Variants in CHD9 observed in about 807,000 individuals in gnomAD.
CHD9 encodes ATP-dependent chromatin remodeler CHD9.
A neutral mutation model predicts 316.1 loss-of-function variants in CHD9; 77 were observed. The ratio of observed to expected loss-of-function variants is 0.24; its 90% CI spans 0.20 to 0.29. The LOEUF is 0.29. Ranked by LOEUF, CHD9 falls within the 10% of genes least tolerant of loss-of-function variation. The probability of loss-of-function intolerance (pLI) is 1.00; values close to 1 mark genes in which losing one functional copy is unlikely to be tolerated. For synonymous variants in CHD9, 1,129 were observed against 1,158.3 expected (o/e 0.97, Z 0.51); for missense variants, 2,763 against 3,438.1 (o/e 0.80, Z 4.91).
At chr16:53,227,881 C>T (rs1314282013) in intron 7 of CHD9, among the ~76,000 whole-genome samples, 5 of 151,772 alleles carry the variant, frequency 3.3e-5, no homozygotes, top group Admixed American at 6.6e-5. Context: ...GTGAAGAGAT[C>T]GAGACCATCC....
chr16:53,158,536 C>A (rs1197348801), intron 2 of CHD9, among the ~76,000 whole-genome samples: 1 of 152,144 alleles, frequency 6.6e-6, no homozygotes, highest in Non-Finnish European at 1.5e-5. Context: ...TTTTCCTCAT[C>A]TTTAAAATGT....
At chr16:53,256,305 A>G (rs908082975) in intron 19 of CHD9, among the ~76,000 whole-genome samples, 5 of 151,324 alleles carry the variant, frequency 3.3e-5, no homozygotes, top group Admixed American at 6.6e-5. Flanking sequence ...GGAAGGAAAC[A>G]TTAATAACTC....
intron 1 of CHD9, among the ~76,000 whole-genome samples, chr16:53,127,623 G>A (rs1427220959): frequency 6.6e-6 from 1 of 151,968 alleles, no homozygotes; most frequent in African/African-American, 2.4e-5. Flanking sequence ...ATGGGGGCGG[G>A]GGGGAATCCC....
At chr16:53,234,130 T>C (rs1206147217) in intron 10 of CHD9, among the ~76,000 whole-genome samples, 1 of 152,202 alleles carries the variant, frequency 6.6e-6, no homozygotes, top group East Asian at 1.9e-4. Flanking sequence ...TGGATGCTAT[T>C]ATAAAATGGT....
At chr16:53,158,303 G>C (rs1597207645) in intron 2 of CHD9, among the ~76,000 whole-genome samples, 2 of 152,148 alleles carry the variant, frequency 1.3e-5, no homozygotes, top group Admixed American at 1.3e-4. Flanking sequence ...AAAAAGCATA[G>C]CTCATTATTG....
chr16:53,258,982 A>G (rs955534289), intron 19 of CHD9, among the ~76,000 whole-genome samples: 3 of 152,204 alleles, frequency 2.0e-5, no homozygotes, highest in Admixed American at 2.0e-4. Context: ...CCTTTCTGCC[A>G]CTGTCTGTCA....
intron 1 of CHD9, among the ~76,000 whole-genome samples, chr16:53,130,122 AC>A (rs762241797): frequency 3.3e-5 from 5 of 152,152 alleles, no homozygotes; most frequent in Non-Finnish European, 7.4e-5. Flanking sequence ...CAGGGTTGCA[AC>A]CGCAGGCTAG....
intron 2 of CHD9, among the ~76,000 whole-genome samples, chr16:53,185,388 G>C (rs1260615178): frequency 1.3e-5 from 2 of 152,184 alleles, no homozygotes; most frequent in African/African-American, 4.8e-5. Flanking sequence ...CTGGAGACCT[G>C]TGGAACTTTG....
chr16:53,304,447 ATCT>A lies in CHD9; in HGVS notation c.6447_6449del (p.Ser2155del). On this transcript the variant is annotated inframe_deletion, in exon 31 of 39. Transcript: ENST00000447540. The stretch of plus-strand genomic sequence containing the variant: ...AGAGATCATCTTGTTCTTCCAGATC[ATCT>A]TCTTCCTCATCATCCTCTTCTTGCT... 1 of 1,583,048 alleles carries A rather than the reference ATCT, an allele frequency of 6.3e-7. No homozygotes were observed.
intron 1 of CHD9, among the ~76,000 whole-genome samples, chr16:53,079,383 C>T (rs1176279420): frequency 6.6e-6 from 1 of 152,190 alleles, no homozygotes; most frequent in African/African-American, 2.4e-5. Context: ...TAAAATGCTT[C>T]AACAGATGAC....
At chr16:53,323,787 G>A (rs1280794144) in intron 38 of CHD9, among the ~76,000 whole-genome samples, 1 of 152,078 alleles carries the variant, frequency 6.6e-6, no homozygotes, top group Non-Finnish European at 1.5e-5. Flanking sequence ...TATGGAGGAA[G>A]GCTAAAGACC....
At chr16:53,168,323 A>T (rs776028705) in intron 2 of CHD9, among the ~76,000 whole-genome samples, 7 of 152,146 alleles carry the variant, frequency 4.6e-5, no homozygotes, top group Non-Finnish European at 1.0e-4. Context: ...TTGGCCTCCC[A>T]AAGTGCTGAG....
intron 24 of CHD9, among the ~76,000 whole-genome samples, chr16:53,274,944 C>T (rs192260300): frequency 9.2e-5 from 14 of 152,184 alleles, no homozygotes; most frequent in Non-Finnish European, 1.3e-4. Flanking sequence ...GAAGTCACAA[C>T]GTAACAATAG....
rs2052512442 is a variant in CHD9 at position 53,273,688 on chromosome 16, T to C, written c.4780T>C (p.Phe1594Leu). ...GKKVKTQTSS[F>L]DIQKAEWLRK... ...GAAAGTAAAAACTCAAACAAGCTCA[T>C]TTGATATACAAAAAGCAGAATGGCT... The change falls in exon 23 of 39, where the codon TTT becomes CTT. Residue 1594 changes from phenylalanine to leucine, a missense_variant. This residue lies in a region of CHD9 where 99 missense variants were observed against 131.6 expected (regional missense o/e 0.75). Transcript: ENST00000447540. 1 of 1,613,322 alleles carries C rather than the reference T, an allele frequency of 6.2e-7. No individual in the cohort carries two copies. The highest frequency in any genetic ancestry group is 2.2e-5 in the East Asian group (1 of 44,830).
intron 2 of CHD9, among the ~76,000 whole-genome samples, chr16:53,190,025 G>T (rs890830530): frequency 6.6e-6 from 1 of 151,800 alleles, no homozygotes; most frequent in African/African-American, 2.4e-5. Flanking sequence ...ATGTCACATT[G>T]AACCATGATT....
chr16:53,197,699 C>T (rs2045053427), intron 2 of CHD9, among the ~76,000 whole-genome samples: 1 of 151,534 alleles, frequency 6.6e-6, no homozygotes, highest in African/African-American at 2.4e-5. Flanking sequence ...CTGTATCACC[C>T]AGACTGTAGT....
intron 1 of CHD9, among the ~76,000 whole-genome samples, chr16:53,064,074 T>A (rs1206069964): frequency 6.6e-6 from 1 of 151,602 alleles, no homozygotes; most frequent in Non-Finnish European, 1.5e-5. Context: ...CCTCAAATGA[T>A]CCTCCTGCCT....
intron 1 of CHD9, among the ~76,000 whole-genome samples, chr16:53,146,286 G>A (rs6499310): frequency 0.31 from 45,183 of 145,296 alleles, 7,300 homozygotes; most frequent in Middle Eastern, 0.37. Context: ...CCAGCTACTC[G>A]GGAGGCTGAG....
intron 1 of CHD9, among the ~76,000 whole-genome samples, chr16:53,060,633 G>A (rs1302838654): frequency 3.9e-5 from 6 of 152,080 alleles, no homozygotes; most frequent in South Asian, 4.2e-4. Context: ...TGGTGCACCT[G>A]TAGTCCCAGC....
Sources: allele counts gnomAD v4.1 joint callset (sites outside exome capture counted in the v4.1 genomes callset), GRCh38; gene constraint gnomAD v4.1.1; regional missense constraint gnomAD v4.1.1; transcripts MANE v1.5; gene names NCBI Gene and HGNC (gene_info 2026-07-23, HGNC 2026-07-21).